Variants in SCAPER observed in about 807,000 individuals in gnomAD.
The protein encoded by SCAPER is S phase cyclin A-associated protein in the endoplasmic reticulum.
In SCAPER, 98 loss-of-function variants were observed where a neutral mutation model predicts 182.2. That is an observed-to-expected ratio of 0.54 (90% CI 0.46 to 0.64). The LOEUF (loss-of-function observed/expected upper bound fraction) is 0.64, where lower values mean the gene tolerates loss of function less well. Ranked by LOEUF, SCAPER falls within the 30% of genes least tolerant of loss-of-function variation. The pLI, the probability that SCAPER is intolerant of heterozygous loss-of-function variation, is 0.00. For synonymous variants in SCAPER, 605 were observed against 564.6 expected (o/e 1.07, Z -1.01); for missense variants, 1,432 against 1,690.0 (o/e 0.85, Z 2.68).
intron 25 of SCAPER, among the ~76,000 whole-genome samples, chr15:76,459,112 A>G (rs1204541206): frequency 6.6e-6 from 1 of 151,944 alleles, no homozygotes; most frequent in East Asian, 1.9e-4. Flanking sequence ...GCTGGTCTCA[A>G]AACTCCTGGG....
At chr15:76,576,632 G>A (rs965672009) in intron 22 of SCAPER, among the ~76,000 whole-genome samples, 2 of 152,106 alleles carry the variant, frequency 1.3e-5, no homozygotes, top group African/African-American at 4.8e-5. Context: ...TCGTATCACT[G>A]AAAAAGGCAC....
At chr15:76,513,976 C>T (rs551307612) in intron 23 of SCAPER, among the ~76,000 whole-genome samples, 14 of 152,234 alleles carry the variant, frequency 9.2e-5, no homozygotes, top group African/African-American at 2.2e-4. Context: ...TTCTACTTTA[C>T]GCAAAGTTAT....
intron 21 of SCAPER, among the ~76,000 whole-genome samples, chr15:76,627,903 C>G (rs999132623): frequency 1.3e-5 from 2 of 152,176 alleles, no homozygotes; most frequent in Non-Finnish European, 2.9e-5. Context: ...TACATTCCCA[C>G]CAACAGTGTA....
At chr15:76,708,802 A>G (rs1744086620) in intron 17 of SCAPER, among the ~76,000 whole-genome samples, 1 of 152,186 alleles carries the variant, frequency 6.6e-6, no homozygotes, top group Admixed American at 6.5e-5. Context: ...ACGATGACTC[A>G]CACCTGTAAT....
Position 76,354,394 on chromosome 15 carries a change from G to A in SCAPER, c.3856-254C>T, listed in dbSNP as rs2040816011. 5.2e-6 allele frequency: 2 copies of A among 384,058 alleles called. No homozygotes were observed. Among genetic ancestry groups the A allele is most frequent in the Non-Finnish European group, 4.6e-6 (1 of 217,748 alleles). 23.8% of individuals were successfully genotyped at this position (384,058 alleles called of 1,614,324 possible). A position where few individuals can be genotyped will look rare whatever the true frequency, so the allele number is the denominator to read the frequency against. On this transcript the variant is annotated intron_variant, in intron 29 of 31. Coordinates refer to ENST00000563290, the MANE Select transcript of SCAPER (RefSeq NM_020843.4). The surrounding 1 kb of genome is among the most constrained non-coding windows in gnomAD (Gnocchi z 4.4). ...AAGTTATTATAATCCACGATTAAAG[G>A]TGTAGCTGCCACGGAGTAAGGACGC...
intron 23 of SCAPER, among the ~76,000 whole-genome samples, chr15:76,559,688 T>C (rs2046459883): frequency 6.6e-6 from 1 of 152,114 alleles, no homozygotes; most frequent in Admixed American, 6.5e-5. Context: ...GAGCTAAATA[T>C]GAGTACACAT....
intron 21 of SCAPER, among the ~76,000 whole-genome samples, chr15:76,643,074 C>T (rs2054232061): frequency 6.6e-6 from 1 of 152,148 alleles, no homozygotes; most frequent in Admixed American, 6.5e-5. Flanking sequence ...TAGCCACAGG[C>T]ACATCACCTC....
chr15:76,732,401 A>G (rs2060969013), intron 16 of SCAPER, among the ~76,000 whole-genome samples: 1 of 152,198 alleles, frequency 6.6e-6, no homozygotes, highest in Non-Finnish European at 1.5e-5. Context: ...CTCTACAATC[A>G]TAACCTAGGA....
chr15:76,663,445 T>C (rs1391008124), intron 21 of SCAPER, among the ~76,000 whole-genome samples: 1 of 152,162 alleles, frequency 6.6e-6, no homozygotes, highest in Non-Finnish European at 1.5e-5. Context: ...AAAGGAGCTT[T>C]ATTTATAAAT....
intron 18 of SCAPER, among the ~76,000 whole-genome samples, chr15:76,703,314 C>T (rs774042339): frequency 6.6e-6 from 1 of 152,202 alleles, no homozygotes; most frequent in African/African-American, 2.4e-5. Context: ...ACCTCCAGTA[C>T]GTCACTGTGA....
intron 22 of SCAPER, 71 bp downstream of exon 22, chr15:76,621,693 T>C: frequency 8.2e-7 from 1 of 1,212,292 alleles, no homozygotes; most frequent in Non-Finnish European, 1.2e-6. Context: ...AGACATAACA[T>C]GATGGTTGAG....
chr15:76,772,222 C>T (rs2063510900), intron 9 of SCAPER, among the ~76,000 whole-genome samples: 1 of 151,990 alleles, frequency 6.6e-6, no homozygotes, highest in African/African-American at 2.4e-5. Context: ...TTGTAATTTT[C>T]TTGTAGTAGG....
rs1407015123 is a variant in SCAPER at position 76,857,844 on chromosome 15, T to C, written c.160A>G (p.Arg54Gly). Residue 54 changes from arginine (R) to glycine (G), a missense_variant, in exon 4 of 32, where the codon AGG becomes GGG. This residue lies in a region of SCAPER where 480 missense variants were observed against 510.2 expected (regional missense o/e 0.94). Coordinates refer to ENST00000563290, the MANE Select transcript of SCAPER (RefSeq NM_020843.4). ...GTTTTATGAGTGCCTTGAATGGTCC[T>C]CTTAGATTTTCCACCAGTTTGACAT... is the stretch of plus-strand genomic sequence containing the variant. The part of the protein sequence containing the change: ...PKCQTGGKSK[R>G]TIQGTHKTTK... 3 of 1,547,296 alleles carry C rather than the reference T, an allele frequency of 1.9e-6. No homozygotes were observed. Among genetic ancestry groups the C allele is most frequent in the Non-Finnish European group, 8.7e-7 (1 of 1,145,054 alleles).
At chr15:76,550,119 C>A (rs1248345106) in intron 23 of SCAPER, among the ~76,000 whole-genome samples, 2 of 152,016 alleles carry the variant, frequency 1.3e-5, no homozygotes, top group Non-Finnish European at 2.9e-5. Flanking sequence ...AAAAACAAAA[C>A]AAAACAAAAC....
At chr15:76,415,436 C>G (rs1269882861) in intron 26 of SCAPER, among the ~76,000 whole-genome samples, 1 of 151,996 alleles carries the variant, frequency 6.6e-6, no homozygotes, top group Non-Finnish European at 1.5e-5. Flanking sequence ...TACCTCATTG[C>G]TTGAAATAGT....
chr15:76,880,689 CT>C (rs2073476151), intron 2 of SCAPER, among the ~76,000 whole-genome samples: 1 of 150,936 alleles, frequency 6.6e-6, no homozygotes, highest in Non-Finnish European at 1.5e-5. Context: ...ACGAAGATCT[CT>C]AACACTCTAG....
chr15:76,489,091 A>G (rs1391850680), intron 24 of SCAPER, among the ~76,000 whole-genome samples: 5 of 150,164 alleles, frequency 3.3e-5, no homozygotes. Context: ...ATTCTTTTTG[A>G]GAGTATTAAA....
intron 4 of SCAPER, among the ~76,000 whole-genome samples, chr15:76,852,145 C>T (rs2070827085): frequency 6.6e-6 from 1 of 152,146 alleles, no homozygotes; most frequent in Non-Finnish European, 1.5e-5. Context: ...CCTAACTATA[C>T]TAAATATATA....
intron 29 of SCAPER, among the ~76,000 whole-genome samples, chr15:76,364,191 C>T (rs2041653263): frequency 6.6e-6 from 1 of 152,180 alleles, no homozygotes; most frequent in Non-Finnish European, 1.5e-5. Context: ...AATTCCTGTC[C>T]TCCCAGATCT....
Sources: gnomAD v4.1 joint callset for allele counts (sites outside exome capture counted in the v4.1 genomes callset) on GRCh38, gnomAD v4.1.1 for gene constraint, gnomAD v4.1.1 regional missense constraint, Gnocchi (gnomAD v3.1) non-coding constraint, MANE v1.5 for transcripts, NCBI Gene and HGNC (gene_info 2026-07-23, HGNC 2026-07-21) for gene names.